Variants in MOB4 observed in about 807,000 individuals in gnomAD.
The protein encoded by MOB4 is MOB family member 4, phocein.
In MOB4, 4 loss-of-function variants were observed where a neutral mutation model predicts 32.2. The observed-to-expected ratio is 0.12, with a 90% CI of 0.06 to 0.28. MOB4 has a LOEUF of 0.28. MOB4 is among the 10% of genes least tolerant of loss of function. MOB4 has a pLI of 1.00. For missense variants in MOB4, 158 were observed against 271.2 expected, an observed-to-expected ratio of 0.58 and a Z score of 2.93; for synonymous variants, 88 against 88.1, an observed-to-expected ratio of 1.00 and a Z score of 0.01.
intron 3 of MOB4, among the ~76,000 whole-genome samples, chr2:197,538,366 A>G (rs1056106726): frequency 3.4e-5 from 5 of 146,372 alleles, no homozygotes; most frequent in Non-Finnish European, 7.5e-5. Context: ...TATTGTGTAC[A>G]TTTTATTAGT....
At chr2:197,518,752 A>T (rs943588805) in intron 1 of MOB4, among the ~76,000 whole-genome samples, 2 of 150,316 alleles carry the variant, frequency 1.3e-5, no homozygotes, top group African/African-American at 4.9e-5. Context: ...TTTTATTTTT[A>T]TTTATTTTAT....
intron 1 of MOB4, among the ~76,000 whole-genome samples, chr2:197,516,901 A>C (rs1438424115): frequency 6.6e-6 from 1 of 152,248 alleles, no homozygotes; most frequent in Non-Finnish European, 1.5e-5. Context: ...GGGATGCCTC[A>C]CATTAAAAAT....
At position 197,550,364 on chromosome 2, in the gene MOB4, G is replaced by A. The variant is rs775442447; in HGVS notation, c.524G>A (p.Arg175Gln). ...RIFSHAYFHH[R>Q]QIFDEYENET... is the part of the protein sequence containing the mutation. ...TTTTCACATGCTTATTTTCATCATC[G>A]GCAGATATTTGATGAATATGAAGTA... The change falls in exon 7 of 8, where the codon CGG becomes CAG. Residue 175 changes from arginine to glutamine, a missense_variant. Arg to Gln is a conservative substitution (Grantham distance 43). Coordinates refer to ENST00000323303, the MANE Select transcript of MOB4 (RefSeq NM_015387.5). The A allele has an allele frequency of 3.1e-6, 5 of 1,613,342 alleles. No homozygotes were observed. The highest frequency in any genetic ancestry group is 1.1e-5 in the South Asian group (1 of 91,010).
chr2:197,522,238 GT>G lies in MOB4; in HGVS notation c.61-1381del, dbSNP rs565182918. On this transcript the variant is annotated intron_variant, in intron 1 of 7. Transcript: ENST00000323303. ...TTTTTTTAAATGTACAATTAAATTGGTTTTTACTATAGTCACCCTATTGTGC... is the reference window on the plus strand; with the variant it reads ...TTTTTTTAAATGTACAATTAAATTGGTTTTACTATAGTCACCCTATTGTGC... Among the ~76,000 whole-genome samples, 252 of 147,088 alleles carry G rather than the reference GT, an allele frequency of 1.7e-3. 1 individual carries two copies. Among genetic ancestry groups the G allele is most frequent in the Non-Finnish European group, 3.1e-3 (207 of 66,724 alleles).
rs375483019 is a variant in MOB4, at chr2:197,550,695, T to C, written c.*49T>C. 172 of 1,515,886 alleles carry C rather than the reference T, an allele frequency of 1.1e-4. No individual in the cohort carries two copies. The highest frequency in any genetic ancestry group is 1.0e-3 in the Middle Eastern group (4 of 4,020). 93.9% of individuals were successfully genotyped at this position (1,515,886 alleles called of 1,614,324 possible). On this transcript the variant is annotated 3_prime_UTR_variant, in exon 8 of 8. Transcript: ENST00000323303. The stretch of plus-strand genomic sequence containing the variant: ...TGATCATATAATTAACATTATGTAC[T>C]GTATATATCATTTTAGACACATCAA...
chr2:197,518,404 G>C (rs2086453848), intron 1 of MOB4, among the ~76,000 whole-genome samples: 1 of 152,082 alleles, frequency 6.6e-6, no homozygotes, highest in African/African-American at 2.4e-5. Flanking sequence ...CGAGTAGCTG[G>C]GATTACAGGC....
At chr2:197,533,653 A>G (rs1212715998) in intron 2 of MOB4, 1 of 218,164 alleles carries the variant, frequency 4.6e-6, no homozygotes, top group Admixed American at 5.7e-5. Flanking sequence ...TGAACCCGGC[A>G]GGCGGAGGTT....
rs1227485038 is a variant in MOB4 at position 197,550,551 on chromosome 2, G to A, written c.583G>A (p.Val195Met). The part of the protein sequence containing the change: ...TFLCHRFTKF[V>M]MKYNLMSKDN... Reference sequence around the variant, plus strand: ...TTTGTGTCATCGGTTTACTAAGTTTGTGATGAAATACAATTTGATGTCCAA... The same window carrying A: ...TTTGTGTCATCGGTTTACTAAGTTTATGATGAAATACAATTTGATGTCCAA... The change falls in exon 8 of 8, where the codon GTG becomes ATG. Residue 195 changes from valine (V) to methionine (M), a missense_variant. Physicochemically the swap from Val to Met is conservative, Grantham distance 21. Around this residue, in one of 6 missense-constraint regions of MOB4, gnomAD observed 45 missense variants for 65.6 expected, o/e 0.69. Transcript: ENST00000323303. The A allele has an allele frequency of 6.2e-7, 1 of 1,607,912 alleles. No homozygotes were observed. The highest frequency in any genetic ancestry group is 8.5e-7 in the Non-Finnish European group (1 of 1,178,212).
chr2:197,536,595 C>CTTTTTTTTTTTTTTTTTTTT, intron 3 of MOB4, among the ~76,000 whole-genome samples: 1 of 55,382 alleles, frequency 1.8e-5, no homozygotes, highest in Non-Finnish European at 3.1e-5. Flanking sequence ...CATCTTTTGT[C>CTTTTTTTTTTTTTTTTTTTT]TTTTTTTTTT....
chr2:197,525,744 A>G lies in MOB4; in HGVS notation c.123+2058A>G, dbSNP rs1217223412. The stretch of plus-strand genomic sequence containing the variant: ...AAAAAAAAAGAAAAAGTGCTGTTCA[A>G]TCAGCAAATATTTATTGGCTTCTCA... On this transcript the variant is annotated intron_variant, in intron 2 of 7. Transcript: ENST00000323303. Among the ~76,000 whole-genome samples, 4 of 152,188 alleles carry G rather than the reference A, an allele frequency of 2.6e-5. No homozygotes were observed. The East Asian group carries it at 5.8e-4, about 22-fold the overall frequency.
rs574647598 is a variant in MOB4, at chr2:197,535,446, A to G, written c.124-84A>G. On this transcript the variant is annotated intron_variant, in intron 2 of 7. Coordinates refer to ENST00000323303, the MANE Select transcript of MOB4 (RefSeq NM_015387.5). ...CCCAAGTTGAACCACAAGAGCAGTT[A>G]TGTATTAACAAATTATATGTACTTA... 3.2e-5 allele frequency: 41 copies of G among 1,283,358 alleles called. No homozygotes were observed. The South Asian group carries it at 6.0e-4, about 19-fold the overall frequency. The allele number at this position is 1,283,358 out of a possible 1,614,324, so 79.5% of individuals were successfully genotyped here.
rs141146554 is a variant in MOB4 at position 197,543,502 on chromosome 2, A to C, written c.354+3065A>C. On this transcript the variant is annotated intron_variant, in intron 5 of 7. Transcript: ENST00000323303. The stretch of plus-strand genomic sequence containing the variant: ...AAACAAAATGTAGCATGGACATACA[A>C]TGAAATATTATAAAACCATGAAAGG... Among the ~76,000 whole-genome samples the C allele has an allele frequency of 2.0e-5, 3 of 152,272 alleles. No individual in the cohort carries two copies. In the East Asian group the frequency reaches 5.8e-4, roughly 29 times the overall value.
At position 197,548,368 on chromosome 2, in the gene MOB4, T is replaced by G. The variant is rs1472838459; in HGVS notation, c.387T>G (p.Leu129=). Residue 129 remains leucine, a synonymous_variant, in exon 6 of 8, where the codon CTT becomes CTG. Transcript: ENST00000323303. The part of the protein sequence containing the change: ...CPAIDYTRHT[L]DGAACLLNSN... ...CTATAGACTATACTAGACACACACT[T>G]GATGGTGCTGCATGTCTTCTGAATA... The G allele has an allele frequency of 6.2e-7, 1 of 1,612,342 alleles. No homozygotes were observed. Among genetic ancestry groups the G allele is most frequent in the Admixed American group, 1.7e-5 (1 of 59,934 alleles).
At position 197,547,752 on chromosome 2, in the gene MOB4, C is replaced by G. The variant is rs193050477; in HGVS notation, c.355-584C>G. ...CCCTTGATGTTGCTCCCTGTCTGCC[C>G]TCAGGAGGACTGGATGAGGACAATT... On this transcript the variant is annotated intron_variant, in intron 5 of 7. Transcript: ENST00000323303. 2.3e-3 allele frequency among the ~76,000 whole-genome samples: 351 copies of G among 152,206 alleles called. 1 individual carries two copies. The highest frequency in any genetic ancestry group is 8.0e-3 in the African/African-American group (334 of 41,520).
At chr2:197,520,772 C>T (rs2086500840) in intron 1 of MOB4, among the ~76,000 whole-genome samples, 1 of 151,760 alleles carries the variant, frequency 6.6e-6, no homozygotes, top group South Asian at 2.1e-4. Context: ...AAATATCCCC[C>T]TTAAGCTGGG....
At chr2:197,539,641 G>A (rs1352982251) in intron 3 of MOB4, among the ~76,000 whole-genome samples, 1 of 151,968 alleles carries the variant, frequency 6.6e-6, no homozygotes, top group African/African-American at 2.4e-5. Flanking sequence ...ATGTTTCTAT[G>A]TACCAACATT....
At chr2:197,539,436 A>G (rs1241858843) in intron 3 of MOB4, among the ~76,000 whole-genome samples, 1 of 149,432 alleles carries the variant, frequency 6.7e-6, no homozygotes, top group African/African-American at 2.5e-5. Context: ...CTCCCTCCTC[A>G]GCCTCCTGAA....
chr2:197,531,827 G>A (rs2086710921), intron 2 of MOB4, among the ~76,000 whole-genome samples: 1 of 152,108 alleles, frequency 6.6e-6, no homozygotes, highest in Non-Finnish European at 1.5e-5. Flanking sequence ...ATAGGCAGGA[G>A]CCACCTCGTC....
At chr2:197,550,208 A>G (rs920082300) in intron 6 of MOB4, 67 bp from the exon 7 acceptor site, 5 of 1,427,930 alleles carry the variant, frequency 3.5e-6, no homozygotes, top group Admixed American at 2.5e-5. Flanking sequence ...TAAGCGAGAA[A>G]TTGGACTATA....
Sources: gnomAD v4.1 joint callset for allele counts (sites outside exome capture counted in the v4.1 genomes callset) on GRCh38, gnomAD v4.1.1 for gene constraint, gnomAD v4.1.1 regional missense constraint, MANE v1.5 for transcripts, NCBI Gene and HGNC (gene_info 2026-07-23, HGNC 2026-07-21) for gene names.